Variants in SLIT2 observed in about 807,000 individuals in gnomAD.
SLIT2 encodes slit guidance ligand 2.
Under a neutral mutation model 185.7 loss-of-function variants are expected in SLIT2, and 41 were observed. That is an observed-to-expected ratio of 0.22 (90% CI 0.17 to 0.29). The LOEUF is 0.29. SLIT2 is among the 10% of genes least tolerant of loss of function. The pLI, the probability that SLIT2 is intolerant of heterozygous loss-of-function variation, is 1.00. For missense variants in SLIT2, 1,571 were observed against 1,909.0 expected (o/e 0.82, Z 3.30); for synonymous variants, 693 against 680.2 (o/e 1.02, Z -0.29).
chr4:20,258,717 G>A (rs563121202), intron 3 of SLIT2, among the ~76,000 whole-genome samples: 3 of 151,596 alleles, frequency 2.0e-5, no homozygotes, highest in Non-Finnish European at 4.4e-5. Context: ...ATTGAAGTAC[G>A]AATTGTATGT....
At chr4:20,404,021 G>A (rs951690645) in intron 4 of SLIT2, among the ~76,000 whole-genome samples, 1 of 151,902 alleles carries the variant, frequency 6.6e-6, no homozygotes, top group African/African-American at 2.4e-5. Flanking sequence ...TTTATCTACA[G>A]CAGTGTCCAA....
intron 18 of SLIT2, among the ~76,000 whole-genome samples, chr4:20,534,768 G>A (rs529609634): frequency 1.3e-5 from 2 of 152,194 alleles, no homozygotes; most frequent in Admixed American, 6.5e-5. Context: ...TATCAGATAC[G>A]GAGGGAGAAG....
chr4:20,505,170 A>G (rs551499983), intron 9 of SLIT2, among the ~76,000 whole-genome samples: 2 of 152,068 alleles, frequency 1.3e-5, no homozygotes, highest in African/African-American at 4.8e-5. Context: ...TCTACATCTC[A>G]TGTAATTTTT....
intron 2 of SLIT2, among the ~76,000 whole-genome samples, chr4:20,256,958 C>A (rs191793141): frequency 6.6e-6 from 1 of 152,134 alleles, no homozygotes; most frequent in Non-Finnish European, 1.5e-5. Context: ...AACCAATAAT[C>A]CAGAAATGAC....
rs1722200631 is a variant in SLIT2 at position 20,253,505 on chromosome 4, CAG to C, written c.-309_-308del. The C allele has an allele frequency of 2.7e-6, 1 of 374,940 alleles. No individual in the cohort carries two copies. Among genetic ancestry groups the C allele is most frequent in the South Asian group, 5.7e-5 (1 of 17,652 alleles). 23.2% of individuals were successfully genotyped at this position (374,940 alleles called of 1,614,324 possible). On this transcript the variant is annotated 5_prime_UTR_variant, in exon 1 of 37. Transcript: ENST00000504154. ...TACCGCCAAGTTCATCCTTGGGAGACAGAAGACGCGTGATCTCCTCTCCGCTG... is the reference window on the plus strand; with the variant it reads ...TACCGCCAAGTTCATCCTTGGGAGACAAGACGCGTGATCTCCTCTCCGCTG...
intron 4 of SLIT2, among the ~76,000 whole-genome samples, chr4:20,337,412 C>T (rs936621546): frequency 2.6e-5 from 4 of 152,116 alleles, no homozygotes; most frequent in African/African-American, 9.7e-5. Context: ...TTACCTCCCA[C>T]TGGGTGCCTC....
chr4:20,422,418 C>G (rs1187635943), intron 4 of SLIT2, among the ~76,000 whole-genome samples: 3 of 152,062 alleles, frequency 2.0e-5, no homozygotes, highest in Non-Finnish European at 2.9e-5. Flanking sequence ...CATTTTTACT[C>G]AGTTTCATAC....
intron 4 of SLIT2, among the ~76,000 whole-genome samples, chr4:20,439,093 A>G (rs776684444): frequency 2.6e-5 from 4 of 152,222 alleles, no homozygotes; most frequent in Non-Finnish European, 5.9e-5. Context: ...AAATGTACTT[A>G]ATAAATATTT....
intron 29 of SLIT2, among the ~76,000 whole-genome samples, chr4:20,576,006 T>C (rs1441380802): frequency 6.6e-6 from 1 of 152,198 alleles, no homozygotes; most frequent in African/African-American, 2.4e-5. Context: ...TAATGATATC[T>C]GTCATATAAT....
chr4:20,603,915 T>C (rs972669913), intron 33 of SLIT2, among the ~76,000 whole-genome samples: 4 of 152,234 alleles, frequency 2.6e-5, no homozygotes, highest in African/African-American at 9.6e-5. Context: ...TATTCAGCCA[T>C]TCTTGATATG....
chr4:20,483,982 T>C (rs1716964964), intron 6 of SLIT2, among the ~76,000 whole-genome samples: 1 of 152,112 alleles, frequency 6.6e-6, no homozygotes, highest in Non-Finnish European at 1.5e-5. Flanking sequence ...TCAGTACTTC[T>C]TTCCAGCATC....
At chr4:20,394,217 G>A (rs1321033813) in intron 4 of SLIT2, among the ~76,000 whole-genome samples, 1 of 151,826 alleles carries the variant, frequency 6.6e-6, no homozygotes, top group African/African-American at 2.4e-5. Flanking sequence ...TGAAAAAGGA[G>A]TTTGAAAATA....
intron 22 of SLIT2, 136 bp downstream of exon 22, chr4:20,546,235 G>T: frequency 1.9e-6 from 1 of 515,660 alleles, no homozygotes; most frequent in Non-Finnish European, 3.4e-6. Flanking sequence ...TGCTCATTGC[G>T]GTTCTGGACC....
chr4:20,545,842 T>C (rs577762853), intron 21 of SLIT2, among the ~76,000 whole-genome samples, 189 bp from the exon 22 acceptor site: 1 of 151,540 alleles, frequency 6.6e-6, no homozygotes, highest in Non-Finnish European at 1.5e-5. Context: ...AGAACTGGAC[T>C]CGTGGACAAC....
chr4:20,477,656 A>C (rs1471818098), intron 5 of SLIT2, among the ~76,000 whole-genome samples: 2 of 152,216 alleles, frequency 1.3e-5, no homozygotes, highest in Non-Finnish European at 2.9e-5. Flanking sequence ...ATAAGGGAGA[A>C]GACACAAAAG....
At chr4:20,300,126 C>A (rs2109103803) in intron 4 of SLIT2, among the ~76,000 whole-genome samples, 1 of 151,966 alleles carries the variant, frequency 6.6e-6, no homozygotes, top group Non-Finnish European at 1.5e-5. Flanking sequence ...GATTTTTAAG[C>A]AAATCAAATT....
chr4:20,569,450 C>T (rs1725377498), intron 29 of SLIT2, among the ~76,000 whole-genome samples: 1 of 151,940 alleles, frequency 6.6e-6, no homozygotes. Flanking sequence ...ACCCATGTCC[C>T]TCAAAATAAA....
intron 4 of SLIT2, among the ~76,000 whole-genome samples, chr4:20,465,152 TTAAG>T (rs1714194871): frequency 1.3e-5 from 2 of 152,172 alleles, no homozygotes; most frequent in African/African-American, 4.8e-5. Flanking sequence ...CATACTGAGA[TTAAG>T]TAGCTCCTGG....
intron 4 of SLIT2, among the ~76,000 whole-genome samples, chr4:20,339,107 AAAAAAG>A (rs1720751775): frequency 2.0e-5 from 3 of 151,716 alleles, no homozygotes; most frequent in African/African-American, 4.8e-5. Flanking sequence ...AAAAAAAAAA[AAAAAAG>A]AAAGACATTG....
Sources: allele counts gnomAD v4.1 joint callset (sites outside exome capture counted in the v4.1 genomes callset), GRCh38; gene constraint gnomAD v4.1.1; transcripts MANE v1.5; gene names NCBI Gene and HGNC (gene_info 2026-07-23, HGNC 2026-07-21).